VEPH1: variants seen among roughly 807,000 people sequenced by gnomAD.
The protein encoded by VEPH1 is ventricular zone-expressed PH domain-containing protein homolog 1.
A neutral mutation model predicts 85.2 loss-of-function variants in VEPH1; 80 were observed. That is an observed-to-expected ratio of 0.94 (90% CI 0.78 to 1.13). The LOEUF (loss-of-function observed/expected upper bound fraction) is 1.13, where lower values mean the gene tolerates loss of function less well. Among genes scored for constraint, VEPH1 ranks in the 50% most tolerant of loss-of-function variants. The pLI, the probability that VEPH1 is intolerant of heterozygous loss-of-function variation, is 0.00. For missense variants in VEPH1, 955 were observed against 980.5 expected (o/e 0.97, Z 0.35); for synonymous variants, 297 against 348.0 (o/e 0.85, Z 1.63).
intron 4 of VEPH1, among the ~76,000 whole-genome samples, chr3:157,455,451 G>A (rs1449085634): frequency 5.9e-5 from 9 of 151,654 alleles, no homozygotes; most frequent in African/African-American, 2.2e-4. Flanking sequence ...AAGTTCAGGG[G>A]TACATAGGCA....
At position 157,442,896 on chromosome 3, in the gene VEPH1, G is replaced by C. The variant is rs149891511; in HGVS notation, c.530-14408C>G. 18 of 1,614,236 alleles carry C rather than the reference G, an allele frequency of 1.1e-5. No individual in the cohort carries two copies. The African/African-American group carries it at 1.6e-4, about 14-fold the overall frequency. On this transcript the variant is annotated intron_variant, in intron 4 of 13. Transcript: ENST00000362010. Reference sequence around the variant, plus strand: ...AGAGATAAGAGAGACCGGAGGAGCAGAGTCTTGTCACATCCGGGGGAATAT... The same window carrying C: ...AGAGATAAGAGAGACCGGAGGAGCACAGTCTTGTCACATCCGGGGGAATAT...
At chr3:157,302,732 C>T (rs925681820) in intron 11 of VEPH1, among the ~76,000 whole-genome samples, 2 of 152,152 alleles carry the variant, frequency 1.3e-5, no homozygotes, top group African/African-American at 2.4e-5. Context: ...AAAACTCCTC[C>T]GTGGCTTTCC....
chr3:157,368,231 C>T (rs1370534669), intron 7 of VEPH1, among the ~76,000 whole-genome samples: 2 of 152,200 alleles, frequency 1.3e-5, no homozygotes, highest in African/African-American at 4.8e-5. Flanking sequence ...ACTTAAGCCC[C>T]TTTCCGTGCC....
intron 9 of VEPH1, among the ~76,000 whole-genome samples, chr3:157,352,546 A>C (rs930456105): frequency 1.3e-5 from 2 of 152,234 alleles, no homozygotes; most frequent in Non-Finnish European, 2.9e-5. Flanking sequence ...AACTATGAAC[A>C]ATCTGGCTTA....
At chr3:157,261,916 A>G (rs894295449) in intron 13 of VEPH1, among the ~76,000 whole-genome samples, 1 of 152,200 alleles carries the variant, frequency 6.6e-6, no homozygotes, top group Non-Finnish European at 1.5e-5. Flanking sequence ...GCCTTTTATT[A>G]AAGCAAAAAT....
rs1300965188 is a variant in VEPH1, at chr3:157,287,631, C to T, written c.2011-957G>A. On this transcript the variant is annotated intron_variant, in intron 11 of 13. Transcript: ENST00000362010. The stretch of plus-strand genomic sequence containing the variant: ...CCAGGTTGGAGTGCAGTGGTGTGAT[C>T]TTGGCTTACTGCAACCTTCACCTCC... Among the ~76,000 whole-genome samples the T allele has an allele frequency of 3.3e-5, 5 of 151,998 alleles. No homozygotes were observed. In the East Asian group the frequency reaches 9.7e-4, roughly 29 times the overall value.
intron 12 of VEPH1, among the ~76,000 whole-genome samples, chr3:157,268,859 C>G (rs1420074372): frequency 6.6e-6 from 1 of 152,150 alleles, no homozygotes; most frequent in East Asian, 1.9e-4. Context: ...GTGATCCTCC[C>G]ACCTCAGCCT....
rs538609760 is a variant in VEPH1, at chr3:157,341,161, C to A, written c.1735+22203G>T. On this transcript the variant is annotated intron_variant, in intron 9 of 13. Transcript: ENST00000362010. ...ACACAGCTCCTCACCAGCAATGGAA[C>A]AAAGCTGGATGGAGAATGACTTTGA... Among the ~76,000 whole-genome samples, 7 of 152,310 alleles carry A rather than the reference C, an allele frequency of 4.6e-5. 1 individual carries two copies. In the South Asian group the frequency reaches 1.4e-3, roughly 32 times the overall value.
At chr3:157,370,910 C>CT (rs1727414551) in intron 7 of VEPH1, among the ~76,000 whole-genome samples, 1 of 152,132 alleles carries the variant, frequency 6.6e-6, no homozygotes, top group Non-Finnish European at 1.5e-5. Context: ...CTTAAGGACT[C>CT]TAAGTTTTAT....
intron 12 of VEPH1, among the ~76,000 whole-genome samples, chr3:157,272,612 C>T (rs79287849): frequency 0.046 from 6,497 of 142,388 alleles, 166 homozygotes; most frequent in South Asian, 0.12. Context: ...CACGTGTCAC[C>T]ACATCTGGCT....
intron 9 of VEPH1, among the ~76,000 whole-genome samples, chr3:157,347,122 A>G (rs1027268592): frequency 6.6e-6 from 1 of 152,184 alleles, no homozygotes; most frequent in Non-Finnish European, 1.5e-5. Flanking sequence ...TAGGAATACA[A>G]AGGATATCTA....
In VEPH1 at chr3:157,364,404, A is replaced by G. The variant is rs1236753956; in HGVS notation, c.1236T>C (p.Phe412=). 6.2e-7 allele frequency: 1 copy of G among 1,614,034 alleles called. No homozygotes were observed. The highest frequency in any genetic ancestry group is 1.7e-5 in the Admixed American group (1 of 60,020). The change falls in exon 8 of 14, where the codon TTT becomes TTC. Residue 412 remains phenylalanine (F), a synonymous_variant. Coordinates refer to ENST00000362010, the MANE Select transcript of VEPH1 (RefSeq NM_001167912.2). Reference sequence around the variant, plus strand: ...TGCTCCCTGCATTTATCTTGTCTTCAAAAGCCTGGATTTTAACTTGGAGTT... The same window carrying G: ...TGCTCCCTGCATTTATCTTGTCTTCGAAAGCCTGGATTTTAACTTGGAGTT... ...HEKLQVKIQA[F]EDKINAGSNT...
intron 6 of VEPH1, among the ~76,000 whole-genome samples, chr3:157,408,707 C>T (rs1296533347): frequency 6.6e-6 from 1 of 152,090 alleles, no homozygotes; most frequent in Non-Finnish European, 1.5e-5. Flanking sequence ...CTGGGAAGAA[C>T]TCACAGAAGA....
chr3:157,368,230 C>G (rs1027162415), intron 7 of VEPH1, among the ~76,000 whole-genome samples: 1 of 152,166 alleles, frequency 6.6e-6, no homozygotes, highest in Non-Finnish European at 1.5e-5. Context: ...CACTTAAGCC[C>G]CTTTCCGTGC....
intron 5 of VEPH1, among the ~76,000 whole-genome samples, chr3:157,414,856 A>T (rs1292839303): frequency 6.6e-6 from 1 of 152,166 alleles, no homozygotes. Context: ...AGATTTGCCC[A>T]TCCATATTTC....
intron 6 of VEPH1, among the ~76,000 whole-genome samples, chr3:157,407,264 T>TA (rs1731215839): frequency 6.6e-6 from 1 of 152,198 alleles, no homozygotes; most frequent in Non-Finnish European, 1.5e-5. Flanking sequence ...TAAGAGTTTT[T>TA]AAAAAATTGC....
intron 12 of VEPH1, among the ~76,000 whole-genome samples, chr3:157,276,431 G>A (rs1043104313): frequency 2.0e-5 from 3 of 152,216 alleles, no homozygotes; most frequent in Admixed American, 2.0e-4. Flanking sequence ...GGGATAGGGT[G>A]AGAAGCCTTG....
intron 9 of VEPH1, among the ~76,000 whole-genome samples, chr3:157,350,711 G>T (rs1724768518): frequency 6.6e-6 from 1 of 152,134 alleles, no homozygotes; most frequent in African/African-American, 2.4e-5. Flanking sequence ...ATGGGGAAAT[G>T]ATCTGAACAG....
intron 6 of VEPH1, among the ~76,000 whole-genome samples, chr3:157,392,618 C>CG (rs1729969598): frequency 1.2e-5 from 1 of 81,772 alleles, no homozygotes; most frequent in Non-Finnish European, 2.4e-5. Context: ...AGCTGATGAT[C>CG]TAAAAAAAAA....
Sources: gnomAD v4.1 joint callset for allele counts (sites outside exome capture counted in the v4.1 genomes callset) on GRCh38, gnomAD v4.1.1 for gene constraint, MANE v1.5 for transcripts, NCBI Gene and HGNC (gene_info 2026-07-23, HGNC 2026-07-21) for gene names.